CGGBP1: variants seen among roughly 807,000 people sequenced by gnomAD.
CGGBP1 encodes CGG triplet repeat-binding protein 1.
A neutral mutation model predicts 11.4 loss-of-function variants in CGGBP1; 4 were observed. The observed-to-expected ratio is 0.35, with a 90% confidence interval of 0.17 to 0.80. The LOEUF (loss-of-function observed/expected upper bound fraction) is 0.80. Among genes scored for constraint, CGGBP1 ranks in the 30% least tolerant of loss-of-function variants. The pLI, the probability that CGGBP1 is intolerant of heterozygous loss-of-function variation, is 0.52. For missense variants in CGGBP1, 135 were observed against 202.1 expected (o/e 0.67, Z 2.01); for synonymous variants, 76 against 74.1 (o/e 1.03, Z -0.13).
At chr3:88,099,802 A>G (rs1315282929) in intron 2 of CGGBP1, among the ~76,000 whole-genome samples, 1 of 152,232 alleles carries the variant, frequency 6.6e-6, no homozygotes, top group African/African-American at 2.4e-5. Context: ...TCCCTTCCTT[A>G]CACCTTATAC....
intron 2 of CGGBP1, chr3:88,086,462 T>G: frequency 1.5e-6 from 2 of 1,316,834 alleles, no homozygotes; most frequent in Non-Finnish European, 2.0e-6. Flanking sequence ...GAGAATTTGT[T>G]TTTGATAATT....
intron 2 of CGGBP1, among the ~76,000 whole-genome samples, chr3:88,098,933 G>T (rs1480827413): frequency 6.6e-6 from 1 of 152,192 alleles, no homozygotes; most frequent in Non-Finnish European, 1.5e-5. Context: ...CACAAGCAGG[G>T]ATGCCCTCTG....
rs74873905 is a variant in CGGBP1, at chr3:88,144,187, C to T, written c.-337-3109G>A. 618 of 152,312 alleles carry T rather than the reference C, an allele frequency of 4.1e-3. 3 individuals carry two copies. The highest frequency in any genetic ancestry group is 5.8e-3 in the Non-Finnish European group (394 of 67,766). The allele number at this position is 152,312 out of a possible 1,614,324, so 9.4% of individuals were successfully genotyped here. On this transcript the variant is annotated intron_variant, in intron 1 of 3. Coordinates refer to the CGGBP1 transcript ENST00000462901. ...TGGAGGAGGTAAAAAGGGGAATCTC[C>T]GTGGACAAGGACACTGGTACTTTGG...
chr3:88,079,294 T>C, intron 2 of CGGBP1, among the ~76,000 whole-genome samples: 1 of 152,044 alleles, frequency 6.6e-6, no homozygotes, highest in South Asian at 2.1e-4. Flanking sequence ...CACAAACAGA[T>C]ATGCTAATGA....
chr3:88,139,931 C>G (rs1707016734), intron 2 of CGGBP1: 1 of 1,613,568 alleles, frequency 6.2e-7, no homozygotes, highest in Non-Finnish European at 8.5e-7. Flanking sequence ...TTGGTTGTGT[C>G]CGGATATTTA....
intron 2 of CGGBP1, chr3:88,139,086 T>C: frequency 7.9e-7 from 1 of 1,263,784 alleles, no homozygotes; most frequent in Non-Finnish European, 9.9e-7. Flanking sequence ...AGCAGTTAGA[T>C]TTCTAAATGA....
chr3:88,059,036 G>A, upstream of CGGBP1: 1 of 492,298 alleles, frequency 2.0e-6, no homozygotes, highest in Non-Finnish European at 3.4e-6. Context: ...CCCAGCAACC[G>A]CCGAGCAGCA....
intron 2 of CGGBP1, among the ~76,000 whole-genome samples, chr3:88,124,963 C>T (rs1706001136): frequency 6.6e-6 from 1 of 152,010 alleles, no homozygotes; most frequent in Admixed American, 6.6e-5. Context: ...CGCCTGTAAT[C>T]CCAGCACTTT....
intron 2 of CGGBP1, among the ~76,000 whole-genome samples, chr3:88,076,574 G>A (rs1218538843): frequency 1.3e-5 from 2 of 151,734 alleles, no homozygotes; most frequent in African/African-American, 4.8e-5. Flanking sequence ...CATCTGTTTT[G>A]TTTTGTTTTG....
chr3:88,073,529 G>T (rs963466088), intron 2 of CGGBP1, among the ~76,000 whole-genome samples: 1 of 152,176 alleles, frequency 6.6e-6, no homozygotes, highest in Non-Finnish European at 1.5e-5. Context: ...TGAATAAGTG[G>T]CTGGAACAAT....
rs1427122352 is a variant in CGGBP1, at chr3:88,143,433, A to C, written c.-337-2355T>G. The C allele has an allele frequency of 2.0e-5, 3 of 152,272 alleles. No individual in the cohort carries two copies. The South Asian group carries it at 6.2e-4, about 32-fold the overall frequency. The allele number at this position is 152,272 out of a possible 1,614,324, so 9.4% of individuals were successfully genotyped here. A position where few individuals can be genotyped will look rare whatever the true frequency, so the allele number is the denominator to read the frequency against. On this transcript the variant is annotated intron_variant, in intron 1 of 3. Transcript: ENST00000462901. ...AAAAAAATGTTTCCTGTATTTCTTG[A>C]TACTAAAAATGTAATGATTTTTATT... is the stretch of plus-strand genomic sequence containing the variant.
chr3:88,059,197 G>A, upstream of CGGBP1: 1 of 1,440,230 alleles, frequency 6.9e-7, no homozygotes, highest in South Asian at 1.4e-5. Context: ...CAGCCGAGAG[G>A]CCCCTGTCCG....
chr3:88,059,099 A>T, upstream of CGGBP1: 2 of 822,376 alleles, frequency 2.4e-6, no homozygotes, highest in Non-Finnish European at 1.8e-6. Context: ...CACCAATAGT[A>T]GTGGAAAGGC....
chr3:88,141,111 A>G (rs932092644), intron 1 of CGGBP1: 6 of 1,508,146 alleles, frequency 4.0e-6, no homozygotes, highest in Admixed American at 2.3e-5. Flanking sequence ...AAATAAAACT[A>G]TTATAGATCT....
upstream of CGGBP1, among the ~76,000 whole-genome samples, chr3:88,059,714 G>C (rs1419830764): frequency 6.6e-6 from 1 of 151,980 alleles, no homozygotes; most frequent in Non-Finnish European, 1.5e-5. Flanking sequence ...TAGGGTTGCT[G>C]AGAAAGTGAG....
chr3:88,097,337 C>T (rs1230483199), intron 2 of CGGBP1, among the ~76,000 whole-genome samples: 2 of 151,736 alleles, frequency 1.3e-5, no homozygotes, highest in Non-Finnish European at 2.9e-5. Context: ...AAGAGAGAAC[C>T]AGTTTTCTCA....
intron 2 of CGGBP1, among the ~76,000 whole-genome samples, chr3:88,118,336 TCAAC>T (rs1705539641): frequency 1.3e-5 from 2 of 150,504 alleles, no homozygotes; most frequent in African/African-American, 5.0e-5. Flanking sequence ...AGCAGGAGGC[TCAAC>T]GCTATCTCAC....
intron 2 of CGGBP1, chr3:88,128,695 A>G: frequency 1.4e-6 from 1 of 690,642 alleles, no homozygotes; most frequent in Non-Finnish European, 2.3e-6. Context: ...GGAAAATGCT[A>G]TTTAAGTAGT....
chr3:88,113,350 G>GA (rs1476425842), intron 2 of CGGBP1, among the ~76,000 whole-genome samples: 3 of 152,086 alleles, frequency 2.0e-5, no homozygotes, highest in African/African-American at 7.2e-5. Flanking sequence ...GGCTGATAAA[G>GA]AAAATTCATA....
Sources: gnomAD v4.1 joint callset for allele counts (sites outside exome capture counted in the v4.1 genomes callset) on GRCh38, gnomAD v4.1.1 for gene constraint, MANE v1.5 for transcripts, NCBI Gene and HGNC (gene_info 2026-07-23, HGNC 2026-07-21) for gene names.